Variants in NKPD1 observed in about 807,000 individuals in gnomAD.
The protein encoded by NKPD1 is NTPase KAP family P-loop domain containing 1.
In NKPD1, 37 loss-of-function variants were observed where a neutral mutation model predicts 42.2. That is an observed-to-expected ratio of 0.88 (90% confidence interval 0.67 to 1.15). NKPD1 has a LOEUF of 1.15. Among genes scored for constraint, NKPD1 ranks in the 50% most tolerant of loss-of-function variants. NKPD1 has a pLI of 0.00. For synonymous variants in NKPD1, 552 were observed against 536.5 expected (o/e 1.03, Z -0.40); for missense variants, 1,113 against 1,174.6 (o/e 0.95, Z 0.77).
chr19:45,161,338 C>T (rs1388355995), upstream of NKPD1, among the ~76,000 whole-genome samples: 1 of 152,238 alleles, frequency 6.6e-6, no homozygotes, highest in Non-Finnish European at 1.5e-5. Context: ...GGGCACCTGC[C>T]TCTCGTGGCT....
chr19:45,158,701 G>GCGGGCAGGGGC lies in NKPD1; in HGVS notation c.480_490dup (p.Ala164GlyfsTer20), dbSNP rs1048134900. ...AGTGAAGGAGCCACAGGCCGCTGGG[G>GCGGGCAGGGGC]CGGGCAGGGGCCGGGCATCAGTGGG... is the stretch of plus-strand genomic sequence containing the variant. On this transcript the variant is annotated frameshift_variant, in exon 3 of 5. Coordinates refer to ENST00000686631, the MANE Select transcript of NKPD1 (RefSeq NM_198478.4). LOFTEE classifies it high-confidence loss of function. The surrounding 1 kb of genome is among the most constrained non-coding windows in gnomAD (Gnocchi z 4.6). 1 of 1,191,342 alleles carries GCGGGCAGGGGC rather than the reference G, an allele frequency of 8.4e-7. No individual in the cohort carries two copies. The highest frequency in any genetic ancestry group is 1.1e-6 in the Non-Finnish European group (1 of 939,552). The allele number at this position is 1,191,342 out of a possible 1,614,324, so 73.8% of individuals were successfully genotyped here.
rs2122768584 is a variant in NKPD1, at chr19:45,150,537, A to G, written c.*1401T>C. 6.6e-6 allele frequency: 1 copy of G among 152,416 alleles called. No homozygotes were observed. The highest frequency in any genetic ancestry group is 1.5e-5 in the Non-Finnish European group (1 of 68,094). 9.4% of individuals were successfully genotyped at this position (152,416 alleles called of 1,614,324 possible). ...CTACAGAAACAGACTTAACGGTGTC[A>G]CGAGGCCCCATCCTTCTCCCTCTGA... is the stretch of plus-strand genomic sequence containing the variant. On this transcript the variant is annotated 3_prime_UTR_variant, in exon 5 of 5. Transcript: ENST00000686631.
Position 45,152,223 on chromosome 19 carries a change from G to T in NKPD1, c.2214C>A (p.Ser738Arg), listed in dbSNP as rs545496903. ...CCAGGTTGACCGTGCAGCGCAGCAG[G>T]CTCTGCGCCTCGGCCACGGTGAAGG... ...DFPFTVAEAQSLLRCTVNLDH... is the reference protein window; with the variant it reads ...DFPFTVAEAQRLLRCTVNLDH... Residue 738 changes from serine (S) to arginine (R), a missense_variant, in exon 5 of 5, where the codon AGC (serine) becomes AGA (arginine). Physicochemically the swap from Ser to Arg is moderately radical, Grantham distance 110. Coordinates refer to ENST00000686631, the MANE Select transcript of NKPD1 (RefSeq NM_198478.4). 6.2e-7 allele frequency: 1 copy of T among 1,603,538 alleles called. No individual in the cohort carries two copies. The highest frequency in any genetic ancestry group is 1.7e-5 in the Admixed American group (1 of 58,680).
rs1968756390 is a variant in NKPD1, at chr19:45,150,406, A to C, written c.*1532T>G. On this transcript the variant is annotated 3_prime_UTR_variant, in exon 5 of 5. Coordinates refer to ENST00000686631, the MANE Select transcript of NKPD1 (RefSeq NM_198478.4). ...CTCACAGCACCCCACTCCTGGTAAC[A>C]GGAGTGAAAATTTATTTTCAGCTTG... The C allele has an allele frequency of 6.6e-6, 1 of 152,220 alleles. No homozygotes were observed. The highest frequency in any genetic ancestry group is 2.1e-4 in the South Asian group (1 of 4,830). 9.4% of individuals were successfully genotyped at this position (152,220 alleles called of 1,614,324 possible).
upstream of NKPD1, among the ~76,000 whole-genome samples, chr19:45,162,235 G>C (rs1969021198): frequency 6.6e-6 from 1 of 152,190 alleles, no homozygotes; most frequent in Non-Finnish European, 1.5e-5. Context: ...AGGCGTTTGG[G>C]GAGTGGGCCA....
upstream of NKPD1, chr19:45,162,798 G>A (rs1969034528): frequency 5.6e-6 from 1 of 179,730 alleles, no homozygotes; most frequent in Non-Finnish European, 1.2e-5. Flanking sequence ...CAGGAGCACG[G>A]GGAGGGAGGG....
chr19:45,159,894 G>A (rs1968975052), intron 2 of NKPD1, among the ~76,000 whole-genome samples, 166 bp downstream of exon 2: 2 of 152,212 alleles, frequency 1.3e-5, no homozygotes, highest in Non-Finnish European at 2.9e-5. Flanking sequence ...AGGCCCTGTG[G>A]TCCGGGTCCT....
chr19:45,153,932 AG>A (rs1292945617), intron 4 of NKPD1, 157 bp from the exon 5 acceptor site: 1 of 717,454 alleles, frequency 1.4e-6, no homozygotes, highest in African/African-American at 1.9e-5. Context: ...AAGAGCTGGA[AG>A]CCGGTGCAGA....
rs1968993749 is a variant in NKPD1 at position 45,160,973 on chromosome 19, A to T, written c.-120T>A. Among the ~76,000 whole-genome samples the T allele has an allele frequency of 1.3e-5, 2 of 152,020 alleles. No individual in the cohort carries two copies. On this transcript the variant is annotated 5_prime_UTR_variant, in exon 1 of 5. Transcript: ENST00000686631. The stretch of plus-strand genomic sequence containing the variant: ...GCTGCCTGCCCCACGAGCAGCTGCC[A>T]CACCAGCCCGGACTGTCAGCGCAGG...
chr19:45,152,049 T>A lies in NKPD1; in HGVS notation c.2388A>T (p.Ser796=), dbSNP rs1568455336. ...TGTGGTGGCCTTCGCCGGCTTGCCC[T>A]GAGGCACGGCCCGACGGGGGCGCCC... is the stretch of plus-strand genomic sequence containing the variant. ...ASRAPPSGRA[S]GQAGEGHHTG... The change falls in exon 5 of 5, where the codon TCA becomes TCT. Residue 796 remains serine, a synonymous_variant. Transcript: ENST00000686631. 6.2e-7 allele frequency: 1 copy of A among 1,609,202 alleles called. No homozygotes were observed. The highest frequency in any genetic ancestry group is 8.5e-7 in the Non-Finnish European group (1 of 1,178,324).
At chr19:45,156,554 G>A (rs1968906115) in intron 3 of NKPD1, among the ~76,000 whole-genome samples, 1 of 152,232 alleles carries the variant, frequency 6.6e-6, no homozygotes, top group Admixed American at 6.5e-5. Flanking sequence ...TGGGGCAGCA[G>A]AGACACCAGG....
chr19:45,152,674 C>G lies in NKPD1; in HGVS notation c.1763G>C (p.Arg588Pro), dbSNP rs769794687. ...AQAGTERGQG[R>P]IDDEAARRIQ... ...TCGCCGCGCCGCCTCGTCGTCGATGCGGCCCTGCCCGCGCTCCGTCCCCGC... is the reference window on the plus strand; with the variant it reads ...TCGCCGCGCCGCCTCGTCGTCGATGGGGCCCTGCCCGCGCTCCGTCCCCGC... Residue 588 changes from arginine to proline, a missense_variant, in exon 5 of 5, where the codon CGC (arginine) becomes CCC (proline). Arg to Pro is a moderately radical substitution (Grantham distance 103). This residue lies in a region of NKPD1 where 867 missense variants were observed against 870.1 expected (regional missense o/e 1.00). Transcript: ENST00000686631. The G allele has an allele frequency of 1.9e-6, 3 of 1,538,800 alleles. No homozygotes were observed. In the South Asian group the frequency reaches 3.5e-5, roughly 18 times the overall value.
In NKPD1 at chr19:45,158,230, A is replaced by G. The variant is rs1450500686; in HGVS notation, c.529+433T>C. On this transcript the variant is annotated intron_variant, in intron 3 of 4. Transcript: ENST00000686631. The surrounding 1 kb of genome is among the most constrained non-coding windows in gnomAD (Gnocchi z 4.6). ...AAGCAAGTGGGTCTTCCCATTGCTG[A>G]CCTTTGCTCTCCGTTCCCCAGGCTA... Among the ~76,000 whole-genome samples the G allele has an allele frequency of 6.6e-6, 1 of 152,148 alleles. No homozygotes were observed. Among genetic ancestry groups the G allele is most frequent in the Non-Finnish European group, 1.5e-5 (1 of 68,028 alleles).
In NKPD1 at chr19:45,150,235, A is replaced by T. The variant is rs1202005095; in HGVS notation, c.*1703T>A. On this transcript the variant is annotated 3_prime_UTR_variant, in exon 5 of 5. Coordinates refer to ENST00000686631, the MANE Select transcript of NKPD1 (RefSeq NM_198478.4). ...CTCCTGAGTAGCTGGGATTACAGGC[A>T]TGCACCACCATGCCCAGCTAATCTT... The T allele has an allele frequency of 6.6e-6, 1 of 152,152 alleles. No individual in the cohort carries two copies. The highest frequency in any genetic ancestry group is 1.5e-5 in the Non-Finnish European group (1 of 68,050). The allele number at this position is 152,152 out of a possible 1,614,324, so 9.4% of individuals were successfully genotyped here. A position where few individuals can be genotyped will look rare whatever the true frequency, so the allele number is the denominator to read the frequency against.
Position 45,153,317 on chromosome 19 carries a change from C to T in NKPD1, c.1120G>A (p.Gly374Ser). The T allele has an allele frequency of 1.9e-6, 3 of 1,573,790 alleles. No homozygotes were observed. The highest frequency in any genetic ancestry group is 1.3e-5 in the African/African-American group (1 of 74,206). ...CCGCCAAACACCTTGAGCAGGCTGC[C>T]GCTCGGGCTGCCGTGGCCCAGCGCG... The part of the protein sequence containing the change: ...GHALGHGSPS[G>S]SLLKVFGGAA... The change falls in exon 5 of 5, where the codon GGC (glycine) becomes AGC (serine). Residue 374 changes from glycine (G) to serine (S), a missense_variant. Around this residue, in one of 3 missense-constraint regions of NKPD1, gnomAD observed 867 missense variants for 870.1 expected, o/e 1.00. Transcript: ENST00000686631.
Position 45,158,965 on chromosome 19 carries a change from A to G in NKPD1, c.227T>C (p.Leu76Pro). 7.7e-7 allele frequency: 1 copy of G among 1,300,640 alleles called. No homozygotes were observed. The highest frequency in any genetic ancestry group is 1.0e-6 in the Non-Finnish European group (1 of 988,094). 80.6% of individuals were successfully genotyped at this position (1,300,640 alleles called of 1,614,324 possible). ...CCGCTGCTGCTGCAGGACGGAGGGC[A>G]GGAGGCCCCGGCGCCAGCCACTGCC... ...VGGSGWRRGL[L>P]PSVLQQQRQP... is the part of the protein sequence containing the mutation. Residue 76 changes from leucine (L) to proline (P), a missense_variant, in exon 3 of 5, where the codon CTG becomes CCG. Transcript: ENST00000686631. This position sits in a 1 kb window ranked among gnomAD's most constrained non-coding sequence, Gnocchi z 4.6.
chr19:45,157,845 CT>C (rs924446867), intron 3 of NKPD1, among the ~76,000 whole-genome samples: 7 of 151,802 alleles, frequency 4.6e-5, no homozygotes, highest in African/African-American at 1.7e-4. Context: ...GTGCCTCAGC[CT>C]CCTGAGTAAC....
At chr19:45,159,615 C>T (rs1248672131) in intron 2 of NKPD1, among the ~76,000 whole-genome samples, 1 of 152,102 alleles carries the variant, frequency 6.6e-6, no homozygotes, top group Non-Finnish European at 1.5e-5. Flanking sequence ...TCGCCCTAGC[C>T]CTGAGGAGGC....
chr19:45,151,766 G>T lies in NKPD1; in HGVS notation c.*172C>A, dbSNP rs1057384826. The T allele has an allele frequency of 4.9e-6, 3 of 617,444 alleles. No homozygotes were observed. The allele number at this position is 617,444 out of a possible 1,614,324, so 38.2% of individuals were successfully genotyped here. A position where few individuals can be genotyped will look rare whatever the true frequency, so the allele number is the denominator to read the frequency against. ...CCTGCTCTCATGCTGGCACCGGCTT[G>T]TGGCCGCACTCCTTGGAAGCTATGT... On this transcript the variant is annotated 3_prime_UTR_variant, in exon 5 of 5. Coordinates refer to ENST00000686631, the MANE Select transcript of NKPD1 (RefSeq NM_198478.4).
Sources: gnomAD v4.1 joint callset for allele counts (sites outside exome capture counted in the v4.1 genomes callset) on GRCh38, gnomAD v4.1.1 for gene constraint, gnomAD v4.1.1 regional missense constraint, Gnocchi (gnomAD v3.1) non-coding constraint, MANE v1.5 for transcripts, NCBI Gene and HGNC (gene_info 2026-07-23, HGNC 2026-07-21) for gene names.